The following BMPR2 variants were observed in gnomAD, a reference collection of about 807,000 sequenced individuals.
The protein encoded by BMPR2 is bone morphogenetic protein receptor type 2.
BMPR2 carries 29 observed loss-of-function variants against 100.8 expected under a neutral mutation model. The ratio of observed to expected loss-of-function variants is 0.29; its 90% CI spans 0.21 to 0.39. The LOEUF is 0.39. Among genes scored for constraint, BMPR2 ranks in the 10% least tolerant of loss-of-function variants. BMPR2 has a pLI of 1.00. For missense variants in BMPR2, 1,011 were observed against 1,274.5 expected (o/e 0.79, Z 3.15); for synonymous variants, 382 against 442.3 (o/e 0.86, Z 1.71).
rs774882233 is a variant in BMPR2 at position 202,519,076 on chromosome 2, CTG to C, written c.852+25_852+26del. The C allele has an allele frequency of 2.5e-6, 4 of 1,608,410 alleles. No homozygotes were observed. The African/African-American group carries it at 5.3e-5, about 21-fold the overall frequency. The stretch of plus-strand genomic sequence containing the variant: ...ATGTAAGTTCTTCATAGAAAATAAA[CTG>C]AGGCCAGGTGTGGTGGCTTATGCCT... On this transcript the variant is annotated intron_variant, in intron 6 of 12. Coordinates refer to ENST00000374580, the MANE Select transcript of BMPR2 (RefSeq NM_001204.7).
At chr2:202,402,741 G>T (rs1462351917) in intron 1 of BMPR2, among the ~76,000 whole-genome samples, 1 of 149,086 alleles carries the variant, frequency 6.7e-6, no homozygotes, top group Non-Finnish European at 1.5e-5. Context: ...ATCTTGGCTT[G>T]CTGCAACCTC....
intron 1 of BMPR2, among the ~76,000 whole-genome samples, chr2:202,435,372 A>AAAATATATATATATAT (rs1280921059): frequency 1.7e-5 from 1 of 59,968 alleles, no homozygotes; most frequent in African/African-American, 7.5e-5. Context: ...TCAAAAAAAA[A>AAAATATATATATATAT]ATACATATAT....
intron 1 of BMPR2, among the ~76,000 whole-genome samples, chr2:202,419,959 G>C (rs1350242165): frequency 6.6e-6 from 1 of 152,012 alleles, no homozygotes; most frequent in African/African-American, 2.4e-5. Flanking sequence ...GACCAGTCTG[G>C]CCAACATAGT....
At chr2:202,527,679 C>T (rs1033761320) in intron 7 of BMPR2, among the ~76,000 whole-genome samples, 2 of 150,896 alleles carry the variant, frequency 1.3e-5, no homozygotes, top group African/African-American at 4.9e-5. Context: ...CCCAGCTACT[C>T]GGGAGGCTGA....
At chr2:202,424,069 T>TAA (rs1691329598) in intron 1 of BMPR2, among the ~76,000 whole-genome samples, 1 of 43,916 alleles carries the variant, frequency 2.3e-5, no homozygotes, top group Non-Finnish European at 4.5e-5. Flanking sequence ...CAAGACTGTC[T>TAA]CAAAAAAAAA....
chr2:202,507,580 A>AG (rs1330445583), intron 3 of BMPR2, among the ~76,000 whole-genome samples: 4 of 151,892 alleles, frequency 2.6e-5, no homozygotes, highest in Non-Finnish European at 5.9e-5. Context: ...GTAGAGACAA[A>AG]GTCTTGCTCT....
At chr2:202,522,976 T>G (rs1687845480) in intron 7 of BMPR2, among the ~76,000 whole-genome samples, 1 of 152,060 alleles carries the variant, frequency 6.6e-6, no homozygotes, top group Admixed American at 6.6e-5. Context: ...ATTTGCAAAC[T>G]TCACGTCCAA....
At chr2:202,500,940 A>T (rs912367992) in intron 3 of BMPR2, among the ~76,000 whole-genome samples, 5 of 152,128 alleles carry the variant, frequency 3.3e-5, no homozygotes, top group Non-Finnish European at 7.3e-5. Flanking sequence ...GTCTTGCCCC[A>T]GGGGTTTAGG....
chr2:202,396,317 G>A (rs1690655378), intron 1 of BMPR2, among the ~76,000 whole-genome samples: 1 of 152,200 alleles, frequency 6.6e-6, no homozygotes, highest in African/African-American at 2.4e-5. Context: ...TATTGGCTCA[G>A]TTGCTGTACT....
At chr2:202,540,205 A>G (rs1028764082) in intron 9 of BMPR2, among the ~76,000 whole-genome samples, 1 of 152,130 alleles carries the variant, frequency 6.6e-6, no homozygotes, top group African/African-American at 2.4e-5. Flanking sequence ...GAAATTGTGA[A>G]TTTTTAGTTA....
In BMPR2 at chr2:202,476,004, G is replaced by T. The variant is rs146670953; in HGVS notation, c.418+8315G>T. On this transcript the variant is annotated intron_variant, in intron 3 of 12. Coordinates refer to ENST00000374580, the MANE Select transcript of BMPR2 (RefSeq NM_001204.7). ...CAGGAGAATCGCTTGAACCTGGGAG[G>T]CGGAGGTTGCAGTGAGCCAAGATTG... 6.2e-3 allele frequency among the ~76,000 whole-genome samples: 944 copies of T among 151,260 alleles called. 8 individuals are homozygous for T. The highest frequency in any genetic ancestry group is 0.021 in the African/African-American group (862 of 41,212).
rs1688664864 is a variant in BMPR2, at chr2:202,560,693, C to T, written c.*747C>T. 6.6e-6 allele frequency: 1 copy of T among 152,576 alleles called. No individual in the cohort carries two copies. Among genetic ancestry groups the T allele is most frequent in the Non-Finnish European group, 1.5e-5 (1 of 68,000 alleles). 9.5% of individuals were successfully genotyped at this position (152,576 alleles called of 1,614,324 possible). A position where few individuals can be genotyped will look rare whatever the true frequency, so the allele number is the denominator to read the frequency against. On this transcript the variant is annotated 3_prime_UTR_variant, in exon 13 of 13. Transcript: ENST00000374580. ...GCTCTAAAGAAGGAACTACCAAAAC[C>T]TGACTTGAAATGCCATTTCTTTTAA...
chr2:202,488,277 A>G (rs546150544), intron 3 of BMPR2, among the ~76,000 whole-genome samples: 3 of 152,318 alleles, frequency 2.0e-5, no homozygotes, highest in East Asian at 1.9e-4. Flanking sequence ...AATAATTACA[A>G]TATTATGACA....
At chr2:202,413,831 T>C (rs1362252616) in intron 1 of BMPR2, among the ~76,000 whole-genome samples, 7 of 151,970 alleles carry the variant, frequency 4.6e-5, no homozygotes, top group African/African-American at 1.7e-4. Flanking sequence ...CGCCGCCAAA[T>C]TTTTTGTATT....
intron 10 of BMPR2, among the ~76,000 whole-genome samples, chr2:202,545,817 CT>C (rs1688365727): frequency 6.6e-6 from 1 of 152,138 alleles, no homozygotes; most frequent in Admixed American, 6.5e-5. Context: ...ACAGTCCCTG[CT>C]ATGGGAACTG....
chr2:202,443,732 T>C (rs1269963200), intron 1 of BMPR2, among the ~76,000 whole-genome samples: 1 of 150,544 alleles, frequency 6.6e-6, no homozygotes, highest in Non-Finnish European at 1.5e-5. Flanking sequence ...CCCAGCTAAT[T>C]GTTTTATTTT....
intron 1 of BMPR2, among the ~76,000 whole-genome samples, chr2:202,415,176 C>T (rs1186803781): frequency 6.6e-6 from 1 of 151,970 alleles, no homozygotes; most frequent in East Asian, 1.9e-4. Flanking sequence ...ACTTTTATAA[C>T]TGGAGAGAAA....
At chr2:202,525,813 C>T (rs1687898777) in intron 7 of BMPR2, among the ~76,000 whole-genome samples, 1 of 143,102 alleles carries the variant, frequency 7.0e-6, no homozygotes, top group Admixed American at 7.1e-5. Flanking sequence ...TAACTGTGGT[C>T]TTCCTCACCT....
intron 10 of BMPR2, among the ~76,000 whole-genome samples, chr2:202,547,788 A>G (rs1323812552): frequency 6.7e-6 from 1 of 150,110 alleles, no homozygotes; most frequent in Non-Finnish European, 1.5e-5. Flanking sequence ...TCACAAAAAA[A>G]AAAAAAAAAA....
Sources: gnomAD v4.1 joint callset for allele counts (sites outside exome capture counted in the v4.1 genomes callset) on GRCh38, gnomAD v4.1.1 for gene constraint, MANE v1.5 for transcripts, NCBI Gene and HGNC (gene_info 2026-07-23, HGNC 2026-07-21) for gene names.